CCDC93: variants seen among roughly 807,000 people sequenced by gnomAD.
CCDC93 encodes coiled-coil domain-containing protein 93.
Under a neutral mutation model 108.2 loss-of-function variants are expected in CCDC93, and 61 were observed. The ratio of observed to expected loss-of-function variants is 0.56; its 90% confidence interval spans 0.46 to 0.70. CCDC93 has a LOEUF of 0.70. Among genes scored for constraint, CCDC93 ranks in the 30% least tolerant of loss-of-function variants. The pLI is 0.00. For missense variants in CCDC93, 685 were observed against 764.2 expected, an observed-to-expected ratio of 0.90 and a Z score of 1.22; for synonymous variants, 276 against 260.4, an observed-to-expected ratio of 1.06 and a Z score of -0.58.
chr2:117,925,414 G>A (rs1222649056), intron 23 of CCDC93, among the ~76,000 whole-genome samples: 7 of 152,090 alleles, frequency 4.6e-5, no homozygotes, highest in Non-Finnish European at 8.8e-5. Context: ...TCAAAATAAA[G>A]GGATGGAGGA....
In CCDC93 at chr2:117,996,304, T is replaced by A. The variant is rs1309220292; in HGVS notation, c.422A>T (p.Tyr141Phe). 1 of 1,613,466 alleles carries A rather than the reference T, an allele frequency of 6.2e-7. No homozygotes were observed. The change falls in exon 5 of 24, where the codon TAC (tyrosine) becomes TTC (phenylalanine). Residue 141 changes from tyrosine to phenylalanine, a missense_variant. Coordinates refer to ENST00000376300, the MANE Select transcript of CCDC93 (RefSeq NM_019044.5). ...KEEMGDYIRS[Y>F]SVSQFQKTYS... ...AGTCTTCTGGAACTGGGATACAGAG[T>A]AGGAGCGGATATAGTCACCCATCTC...
At chr2:117,942,780 A>G (rs1199681765) in intron 18 of CCDC93, among the ~76,000 whole-genome samples, 1 of 152,166 alleles carries the variant, frequency 6.6e-6, no homozygotes, top group Admixed American at 6.5e-5. Context: ...AGGCCATACT[A>G]TTCTGGGAGT....
At chr2:117,948,911 T>C (rs966729086) in intron 14 of CCDC93, among the ~76,000 whole-genome samples, 5 of 152,222 alleles carry the variant, frequency 3.3e-5, no homozygotes, top group Admixed American at 6.5e-5. Flanking sequence ...CAGAAAAGAC[T>C]GCACCTTTTC....
At chr2:117,944,172 T>C (rs749488085) in intron 17 of CCDC93, 86 bp from the exon 18 acceptor site, 2 of 946,044 alleles carry the variant, frequency 2.1e-6, no homozygotes, top group Non-Finnish European at 3.2e-6. Context: ...TATGTTTTTA[T>C]CATATCTCCC....
intron 6 of CCDC93, among the ~76,000 whole-genome samples, chr2:117,987,165 T>C (rs1034880294): frequency 4.6e-5 from 7 of 152,162 alleles, no homozygotes; most frequent in Non-Finnish European, 8.8e-5. Flanking sequence ...TGTTAAAGTA[T>C]AAATCTTCAT....
chr2:117,984,389 G>A (rs1680250495), intron 7 of CCDC93, among the ~76,000 whole-genome samples: 2 of 152,156 alleles, frequency 1.3e-5, no homozygotes, highest in Non-Finnish European at 2.9e-5. Flanking sequence ...CTTTCCTAAA[G>A]AGGCCAAGCC....
rs766610084 is a variant in CCDC93, at chr2:117,935,533, C to T, written c.1690G>A (p.Glu564Lys). 1 of 1,613,868 alleles carries T rather than the reference C, an allele frequency of 6.2e-7. No individual in the cohort carries two copies. Among genetic ancestry groups the T allele is most frequent in the Non-Finnish European group, 8.5e-7 (1 of 1,179,894 alleles). Residue 564 changes from glutamate (E) to lysine (K), a missense_variant, in exon 22 of 24, where the codon GAA becomes AAA. Coordinates refer to ENST00000376300, the MANE Select transcript of CCDC93 (RefSeq NM_019044.5). ...AARDQFLRQM[E>K]QIVEGIKQSR... ...TGCTTAATTCCTTCCACAATCTGTT[C>T]CATCTGACGTAAAAACTGGTCCCGG... is the stretch of plus-strand genomic sequence containing the variant.
At position 118,008,453 on chromosome 2, in the gene CCDC93, T is replaced by C. The variant is rs76383163; in HGVS notation, c.156+92A>G. 4,205 of 766,626 alleles carry C rather than the reference T, an allele frequency of 5.5e-3. 105 individuals carry two copies. The African/African-American group carries it at 0.06, about 11-fold the overall frequency. The allele number at this position is 766,626 out of a possible 1,614,324, so 47.5% of individuals were successfully genotyped here. A position where few individuals can be genotyped will look rare whatever the true frequency, so the allele number is the denominator to read the frequency against. ...AATGGAAACACAGACATGGAAGAAG[T>C]TAAAACATCATCTTTTCCTCCTTTC... On this transcript the variant is annotated intron_variant, in intron 2 of 23. Coordinates refer to ENST00000376300, the MANE Select transcript of CCDC93 (RefSeq NM_019044.5).
At chr2:117,929,717 C>G (rs999855095) in intron 23 of CCDC93, among the ~76,000 whole-genome samples, 4 of 152,232 alleles carry the variant, frequency 2.6e-5, no homozygotes, top group African/African-American at 9.6e-5. Flanking sequence ...CCAGTTCACT[C>G]ACTGGCCCTT....
At chr2:117,946,482 A>T (rs1678876687) in intron 16 of CCDC93, among the ~76,000 whole-genome samples, 1 of 152,178 alleles carries the variant, frequency 6.6e-6, no homozygotes, top group Admixed American at 6.5e-5. Flanking sequence ...GAAATGAGTA[A>T]ACTGGCAGAA....
chr2:117,941,383 C>T (rs1395291059), intron 18 of CCDC93, 86 bp from the exon 19 acceptor site: 33 of 986,152 alleles, frequency 3.3e-5, no homozygotes, highest in South Asian at 1.5e-4. Context: ...GCCTGCACCC[C>T]GACCTGAGCC....
At chr2:117,935,770 G>T in intron 21 of CCDC93, 191 bp from the exon 22 acceptor site, 2 of 429,212 alleles carry the variant, frequency 4.7e-6, no homozygotes, top group Non-Finnish European at 4.1e-6. Flanking sequence ...GAGAAGGCAT[G>T]GAAATTAGCC....
intron 6 of CCDC93, among the ~76,000 whole-genome samples, chr2:117,992,896 T>A (rs1439804005): frequency 2.6e-5 from 4 of 151,564 alleles, no homozygotes; most frequent in African/African-American, 4.8e-5. Flanking sequence ...AAAACCTCCA[T>A]TAAAAATGAG....
intron 15 of CCDC93, 121 bp from the exon 16 acceptor site, chr2:117,947,003 C>T (rs1383178990): frequency 3.9e-6 from 3 of 760,294 alleles, no homozygotes; most frequent in Non-Finnish European, 6.8e-6. Flanking sequence ...GGACGAAAAG[C>T]TAATGAGGTA....
At chr2:118,008,335 G>A (rs1676933390) in intron 2 of CCDC93, among the ~76,000 whole-genome samples, 1 of 152,158 alleles carries the variant, frequency 6.6e-6, no homozygotes, top group African/African-American at 2.4e-5. Flanking sequence ...AAAGCTTTGT[G>A]CACAGAAAAG....
At chr2:117,984,294 C>T (rs1272936092) in intron 7 of CCDC93, among the ~76,000 whole-genome samples, 1 of 152,142 alleles carries the variant, frequency 6.6e-6, no homozygotes, top group Non-Finnish European at 1.5e-5. Context: ...ATGACCATAC[C>T]AACAGGAACC....
chr2:118,007,743 A>G (rs898338387), intron 2 of CCDC93, among the ~76,000 whole-genome samples: 3 of 152,248 alleles, frequency 2.0e-5, no homozygotes, highest in African/African-American at 4.8e-5. Context: ...AAGTTGCCCA[A>G]TAAAAATGCA....
At chr2:117,929,261 A>T (rs531811342) in intron 23 of CCDC93, among the ~76,000 whole-genome samples, 3 of 152,148 alleles carry the variant, frequency 2.0e-5, no homozygotes, top group Non-Finnish European at 4.4e-5. Flanking sequence ...AAAGTATAAT[A>T]AAAAAAAGAA....
chr2:117,967,747 G>C (rs140711750), intron 11 of CCDC93, among the ~76,000 whole-genome samples: 26 of 152,238 alleles, frequency 1.7e-4, no homozygotes, highest in African/African-American at 6.3e-4. Flanking sequence ...ATAATATCAC[G>C]TACTCATTTA....
Sources: gnomAD v4.1 joint callset for allele counts (sites outside exome capture counted in the v4.1 genomes callset) on GRCh38, gnomAD v4.1.1 for gene constraint, MANE v1.5 for transcripts, NCBI Gene and HGNC (gene_info 2026-07-23, HGNC 2026-07-21) for gene names.